NMNAT3: variants seen among roughly 807,000 people sequenced by gnomAD.
NMNAT3 encodes nicotinamide/nicotinic acid mononucleotide adenylyltransferase 3.
A neutral mutation model predicts 24.8 loss-of-function variants in NMNAT3; 21 were observed. The ratio of observed to expected loss-of-function variants is 0.85; its 90% CI spans 0.60 to 1.22. The LOEUF is 1.22. Among genes scored for constraint, NMNAT3 ranks in the 50% most tolerant of loss-of-function variants. NMNAT3 has a pLI of 0.00. For missense variants in NMNAT3, 387 were observed against 436.6 expected, an observed-to-expected ratio of 0.89 and a Z score of 1.01; for synonymous variants, 136 against 155.2, an observed-to-expected ratio of 0.88 and a Z score of 0.92.
chr3:139,575,474 A>G (rs1939158598), intron 5 of NMNAT3: 1 of 481,656 alleles, frequency 2.1e-6, no homozygotes, highest in East Asian at 1.5e-4. Flanking sequence ...AAATAGGGCT[A>G]AACCCACCTA....
Position 139,579,032 on chromosome 3 carries a change from T to C in NMNAT3, c.415A>G (p.Ile139Val). 1.9e-6 allele frequency: 3 copies of C among 1,614,022 alleles called. No individual in the cohort carries two copies. The highest frequency in any genetic ancestry group is 2.5e-6 in the Non-Finnish European group (3 of 1,179,956). Residue 139 changes from isoleucine (I) to valine (V), a missense_variant, in exon 5 of 7, where the codon ATC becomes GTC. Coordinates refer to ENST00000643695, the MANE Select transcript of NMNAT3 (RefSeq NM_001320510.2). ...TAGGTGTCGTTGACAGGAGAGATGA[T>C]ACCCTGGATGACCTGGTACATTCCT...
At chr3:139,603,030 G>A (rs1036481873) in intron 3 of NMNAT3, among the ~76,000 whole-genome samples, 4 of 152,142 alleles carry the variant, frequency 2.6e-5, no homozygotes, top group Non-Finnish European at 5.9e-5. Context: ...TATTTCAAGT[G>A]TTGTTTATAT....
At chr3:139,597,033 G>A (rs148062450) in intron 3 of NMNAT3, among the ~76,000 whole-genome samples, 4 of 147,808 alleles carry the variant, frequency 2.7e-5, no homozygotes, top group Non-Finnish European at 5.9e-5. Flanking sequence ...TTTTGAATCT[G>A]GGCTACCTTA....
At chr3:139,644,809 A>G (rs1037799222) in intron 1 of NMNAT3, among the ~76,000 whole-genome samples, 3 of 152,208 alleles carry the variant, frequency 2.0e-5, no homozygotes, top group Admixed American at 6.5e-5. Context: ...TGTAAATCCT[A>G]TTTAATGGTG....
At chr3:139,640,527 C>A (rs1576718102) in intron 1 of NMNAT3, among the ~76,000 whole-genome samples, 1 of 152,192 alleles carries the variant, frequency 6.6e-6, no homozygotes, top group African/African-American at 2.4e-5. Context: ...AGAAAACAAG[C>A]TGCCATTACT....
chr3:139,601,939 GGAAA>G (rs1343238994), intron 3 of NMNAT3, among the ~76,000 whole-genome samples: 8 of 152,160 alleles, frequency 5.3e-5, no homozygotes, highest in Non-Finnish European at 1.2e-4. Context: ...TAACTGTATT[GGAAA>G]GATACTTTAA....
chr3:139,569,930 CAG>C (rs1450917353), intron 6 of NMNAT3: 2 of 152,200 alleles, frequency 1.3e-5, no homozygotes, highest in African/African-American at 2.4e-5. Context: ...TAATATCCTG[CAG>C]AGTGTTTTCC....
intron 6 of NMNAT3, chr3:139,569,291 T>C (rs1576511704): frequency 6.6e-6 from 1 of 152,320 alleles, no homozygotes; most frequent in East Asian, 1.9e-4. Context: ...CTTGACTCTT[T>C]ATCCAATTTA....
intron 3 of NMNAT3, among the ~76,000 whole-genome samples, chr3:139,622,771 C>CAT (rs1180513390): frequency 4.5e-5 from 6 of 132,490 alleles, no homozygotes; most frequent in African/African-American, 8.6e-5. Flanking sequence ...TCATATATAT[C>CAT]ATATATATGA....
At chr3:139,675,569 T>TCTG (rs1208189880) in intron 1 of NMNAT3, among the ~76,000 whole-genome samples, 1 of 152,214 alleles carries the variant, frequency 6.6e-6, no homozygotes, top group Non-Finnish European at 1.5e-5. Flanking sequence ...AACACCCCTC[T>TCTG]CTGCTGCCAG....
intron 1 of NMNAT3, among the ~76,000 whole-genome samples, chr3:139,642,099 G>A (rs764897255): frequency 6.6e-6 from 1 of 152,216 alleles, no homozygotes; most frequent in Non-Finnish European, 1.5e-5. Flanking sequence ...GGACACTGTG[G>A]TGTAGGGATA....
intron 2 of NMNAT3, chr3:139,637,265 T>G (rs1434486713): frequency 6.6e-6 from 1 of 152,218 alleles, no homozygotes; most frequent in African/African-American, 2.4e-5. Flanking sequence ...CTCTGTGTTA[T>G]CTTTGTCCCT....
At chr3:139,663,973 C>T (rs2057499834) in intron 1 of NMNAT3, among the ~76,000 whole-genome samples, 1 of 151,960 alleles carries the variant, frequency 6.6e-6, no homozygotes, top group South Asian at 2.1e-4. Flanking sequence ...TGTGTTTTTT[C>T]CCCTGAATTC....
chr3:139,627,496 C>T, intron 3 of NMNAT3, 120 bp downstream of exon 4: 1 of 572,024 alleles, frequency 1.7e-6, no homozygotes, highest in Non-Finnish European at 3.1e-6. Context: ...AAAAAATATG[C>T]CACTAGTTAT....
At chr3:139,620,050 A>G (rs1194989970) in intron 3 of NMNAT3, among the ~76,000 whole-genome samples, 1 of 152,176 alleles carries the variant, frequency 6.6e-6, no homozygotes, top group African/African-American at 2.4e-5. Context: ...CAGGATTCAG[A>G]TAAGGTCCAT....
At chr3:139,616,895 G>T (rs2055532039) in intron 3 of NMNAT3, among the ~76,000 whole-genome samples, 1 of 152,144 alleles carries the variant, frequency 6.6e-6, no homozygotes, top group Non-Finnish European at 1.5e-5. Context: ...GCCTCTTTCT[G>T]TGTCTCTTGC....
At chr3:139,562,863 G>A (rs190803482) in intron 6 of NMNAT3, among the ~76,000 whole-genome samples, 8 of 152,222 alleles carry the variant, frequency 5.3e-5, no homozygotes, top group South Asian at 4.2e-4. Context: ...ATGCTCTAGC[G>A]GCATAATACT....
chr3:139,619,246 G>T (rs534932662), intron 3 of NMNAT3, among the ~76,000 whole-genome samples: 2 of 152,216 alleles, frequency 1.3e-5, no homozygotes, highest in East Asian at 1.9e-4. Context: ...AATGTTGAAA[G>T]GTGGCAACCC....
At chr3:139,652,756 C>T (rs1321241781) in intron 1 of NMNAT3, among the ~76,000 whole-genome samples, 2 of 152,218 alleles carry the variant, frequency 1.3e-5, no homozygotes, top group African/African-American at 4.8e-5. Context: ...GCAGCCTCTT[C>T]CCCTGGGAGA....
Sources: allele counts gnomAD v4.1 joint callset (sites outside exome capture counted in the v4.1 genomes callset), GRCh38; gene constraint gnomAD v4.1.1; transcripts MANE v1.5; gene names NCBI Gene and HGNC (gene_info 2026-07-23, HGNC 2026-07-21).